The following KCNN2 variants were observed in gnomAD, a reference collection of about 807,000 sequenced individuals.
KCNN2 encodes small conductance calcium-activated potassium channel protein 2.
KCNN2 carries 24 observed loss-of-function variants against 55.5 expected under a neutral mutation model. The ratio of observed to expected loss-of-function variants is 0.43; its 90% CI spans 0.31 to 0.61. The LOEUF is 0.61. KCNN2 is among the 20% of genes least tolerant of loss of function. KCNN2 has a pLI of 0.08. For synonymous variants in KCNN2, 431 were observed against 336.1 expected, an observed-to-expected ratio of 1.28 and a Z score of -3.09; for missense variants, 754 against 853.6, an observed-to-expected ratio of 0.88 and a Z score of 1.45.
intron 2 of KCNN2, among the ~76,000 whole-genome samples, chr5:114,331,033 T>C (rs769696531): frequency 7.9e-5 from 12 of 152,302 alleles, no homozygotes; most frequent in African/African-American, 7.2e-5. Context: ...TTTCAGATAC[T>C]CTAGTGGATC....
chr5:114,244,658 A>G (rs922282950), intron 2 of KCNN2, among the ~76,000 whole-genome samples: 2 of 150,466 alleles, frequency 1.3e-5, no homozygotes, highest in Non-Finnish European at 3.0e-5. Context: ...GAGAGAGAGA[A>G]AGAGAGAAAG....
chr5:114,161,186 T>G (rs1332631818), intron 1 of KCNN2, among the ~76,000 whole-genome samples: 1 of 152,204 alleles, frequency 6.6e-6, no homozygotes, highest in African/African-American at 2.4e-5. Flanking sequence ...AGGAGCTCTT[T>G]TAGGGCAGGC....
At chr5:114,462,914 T>G (rs1439097325) in intron 3 of KCNN2, 135 bp from the exon 4 acceptor site, 7 of 821,152 alleles carry the variant, frequency 8.5e-6, no homozygotes, top group Non-Finnish European at 1.3e-5. Flanking sequence ...TTTGTTTATA[T>G]TCACAAGCTT....
chr5:114,340,189 C>A (rs1756991573), intron 2 of KCNN2, among the ~76,000 whole-genome samples: 3 of 152,084 alleles, frequency 2.0e-5, no homozygotes, highest in Admixed American at 2.0e-4. Context: ...TTGATTGAAT[C>A]TCCCAACATT....
intron 5 of KCNN2, among the ~76,000 whole-genome samples, chr5:114,476,686 G>A (rs1163358983): frequency 6.6e-6 from 1 of 152,082 alleles, no homozygotes; most frequent in Non-Finnish European, 1.5e-5. Flanking sequence ...CTCCCAAAGT[G>A]CTGGGATTAC....
At chr5:114,379,914 CAT>C (rs1432791897) in intron 2 of KCNN2, among the ~76,000 whole-genome samples, 1 of 146,798 alleles carries the variant, frequency 6.8e-6, no homozygotes, top group African/African-American at 2.5e-5. Flanking sequence ...TAATGAATAA[CAT>C]AATATATACC....
intron 1 of KCNN2, among the ~76,000 whole-genome samples, chr5:114,070,138 A>C (rs2632144): frequency 0.027 from 4,044 of 152,212 alleles, 186 homozygotes; most frequent in African/African-American, 0.092. Flanking sequence ...CTTTTCCCCT[A>C]TCTTGTCTTG....
At chr5:114,090,661 G>A (rs866016036) in intron 1 of KCNN2, among the ~76,000 whole-genome samples, 1 of 151,714 alleles carries the variant, frequency 6.6e-6, no homozygotes, top group Non-Finnish European at 1.5e-5. Flanking sequence ...TTAAATTGAA[G>A]AAAGAACATT....
chr5:114,297,643 C>T (rs1426261154), intron 2 of KCNN2, among the ~76,000 whole-genome samples: 1 of 152,024 alleles, frequency 6.6e-6, no homozygotes, highest in Non-Finnish European at 1.5e-5. Flanking sequence ...ACAGAAAAAT[C>T]CTTCTTTGCA....
At chr5:114,073,172 A>G (rs914203745) in intron 1 of KCNN2, among the ~76,000 whole-genome samples, 1 of 152,166 alleles carries the variant, frequency 6.6e-6, no homozygotes, top group South Asian at 2.1e-4. Context: ...GTCCTGGGTG[A>G]CATTGGTCTC....
At chr5:114,169,182 T>A (rs1752979845) in intron 1 of KCNN2, among the ~76,000 whole-genome samples, 1 of 152,138 alleles carries the variant, frequency 6.6e-6, no homozygotes, top group Non-Finnish European at 1.5e-5. Flanking sequence ...CAATTAAACC[T>A]CTTTTCTTCA....
chr5:114,272,268 A>G (rs1458848331), intron 2 of KCNN2, among the ~76,000 whole-genome samples: 2 of 151,994 alleles, frequency 1.3e-5, no homozygotes, highest in Admixed American at 6.6e-5. Flanking sequence ...ACATATATGT[A>G]TGTACATATC....
chr5:114,486,010 CTA>C (rs1314863107), intron 5 of KCNN2, among the ~76,000 whole-genome samples: 3 of 152,108 alleles, frequency 2.0e-5, no homozygotes, highest in Non-Finnish European at 4.4e-5. Flanking sequence ...AACTGCAGTC[CTA>C]TGAGGTTAGC....
At chr5:114,452,014 TAAAG>T (rs1308110256) in intron 3 of KCNN2, among the ~76,000 whole-genome samples, 1 of 152,126 alleles carries the variant, frequency 6.6e-6, no homozygotes, top group East Asian at 1.9e-4. Flanking sequence ...TTACTAATAT[TAAAG>T]GAAGTCTGTA....
chr5:114,163,857 T>A (rs959613806), intron 1 of KCNN2, among the ~76,000 whole-genome samples: 24 of 152,236 alleles, frequency 1.6e-4, no homozygotes, highest in African/African-American at 5.8e-4. Context: ...GCTATGGCTG[T>A]TATTAATGAA....
chr5:114,443,072 C>T (rs769694347), intron 3 of KCNN2, among the ~76,000 whole-genome samples: 2 of 152,018 alleles, frequency 1.3e-5, no homozygotes, highest in Admixed American at 6.6e-5. Flanking sequence ...GGGGTCAGAT[C>T]ACGAGGTCAG....
At chr5:114,308,647 G>A (rs1483125242) in intron 2 of KCNN2, among the ~76,000 whole-genome samples, 1 of 152,196 alleles carries the variant, frequency 6.6e-6, no homozygotes, top group East Asian at 1.9e-4. Flanking sequence ...GCCAAAGCCA[G>A]TATGGAATGG....
At chr5:114,449,171 A>C (rs977096823) in intron 3 of KCNN2, among the ~76,000 whole-genome samples, 2 of 151,856 alleles carry the variant, frequency 1.3e-5, no homozygotes, top group African/African-American at 4.8e-5. Context: ...CTGTACCCTC[A>C]CCCTATGTTG....
intron 1 of KCNN2, chr5:114,056,619 C>A: frequency 2.6e-6 from 1 of 392,154 alleles, no homozygotes; most frequent in Non-Finnish European, 4.5e-6. Context: ...CTCCCTCTTG[C>A]TTACTTTTCT....
Sources: gnomAD v4.1 joint callset for allele counts (sites outside exome capture counted in the v4.1 genomes callset) on GRCh38, gnomAD v4.1.1 for gene constraint, MANE v1.5 for transcripts, NCBI Gene and HGNC (gene_info 2026-07-23, HGNC 2026-07-21) for gene names.